Variants in DIXDC1 observed in about 807,000 individuals in gnomAD.
The protein encoded by DIXDC1 is dixin.
DIXDC1 carries 64 observed loss-of-function variants against 103.1 expected under a neutral mutation model. That is an observed-to-expected ratio of 0.62 (90% CI 0.51 to 0.76). The LOEUF (loss-of-function observed/expected upper bound fraction) is 0.76, where lower values mean the gene tolerates loss of function less well. Ranked by LOEUF, DIXDC1 falls within the 30% of genes least tolerant of loss-of-function variation. DIXDC1 has a pLI of 0.00. For missense variants in DIXDC1, 759 were observed against 834.2 expected (o/e 0.91, Z 1.11); for synonymous variants, 266 against 298.5 (o/e 0.89, Z 1.12).
upstream of DIXDC1, among the ~76,000 whole-genome samples, chr11:111,932,629 A>G (rs587644837): frequency 8.6e-5 from 13 of 151,950 alleles, no homozygotes; most frequent in Middle Eastern, 3.4e-3. Flanking sequence ...ATATTTTCAC[A>G]TATCTGCTTT....
chr11:111,937,671 G>A (rs1007878600), intron 1 of DIXDC1, 112 bp downstream of exon 1: 33 of 1,139,802 alleles, frequency 2.9e-5, no homozygotes, highest in Admixed American at 4.4e-5. Context: ...AGAGCAAATC[G>A]CCCCCAGAAC....
chr11:111,982,451 A>T lies in DIXDC1; in HGVS notation c.882A>T (p.Glu294Asp). 1 of 1,613,710 alleles carries T rather than the reference A, an allele frequency of 6.2e-7. No individual in the cohort carries two copies. Residue 294 changes from glutamate (E) to aspartate (D), a missense_variant, in exon 7 of 20, where the codon GAA becomes GAT. Glu to Asp is a conservative substitution (Grantham distance 45). This residue lies in a region of DIXDC1 where 657 missense variants were observed against 727.5 expected (regional missense o/e 0.90). Transcript: ENST00000440460. ...AACAACAAGAATATTTAGAAAAAGA[A>T]ATGGAGGAAGCAAAGAAAATGATAT... ...LLEQQEYLEK[E>D]MEEAKKMISG... is the part of the protein sequence containing the mutation.
At chr11:111,930,848 CCTTTTTTT>C (rs1566441177) in intron 2 of DIXDC1, among the ~76,000 whole-genome samples, 17 of 139,020 alleles carry the variant, frequency 1.2e-4, no homozygotes, top group African/African-American at 5.0e-4. Flanking sequence ...TTCTTTCTTT[CCTTTTTTT>C]TTTTTTTTTT....
At chr11:111,933,166 T>C (rs1966084593), upstream of DIXDC1, among the ~76,000 whole-genome samples, 1 of 152,232 alleles carries the variant, frequency 6.6e-6, no homozygotes, top group Non-Finnish European at 1.5e-5. Flanking sequence ...TACGCTCTTG[T>C]TGCCCAGGCT....
intron 1 of DIXDC1, among the ~76,000 whole-genome samples, chr11:111,961,358 T>C (rs1555171065): frequency 1.3e-5 from 2 of 152,214 alleles, no homozygotes; most frequent in African/African-American, 4.8e-5. Context: ...TTGGGAGTCA[T>C]ATCTGGATTC....
chr11:112,014,578 C>T (rs902028195), intron 17 of DIXDC1, among the ~76,000 whole-genome samples: 40 of 152,294 alleles, frequency 2.6e-4, no homozygotes, highest in African/African-American at 9.6e-4. Context: ...ACCTCGCCAT[C>T]TTCAGTCTTC....
chr11:112,018,870 G>A lies in DIXDC1; in HGVS notation c.1972-86G>A, dbSNP rs2137652858. On this transcript the variant is annotated intron_variant, in intron 19 of 19. Coordinates refer to ENST00000440460, the MANE Select transcript of DIXDC1 (RefSeq NM_001037954.4). ...TTAACTCAAGGCTTTCTTCTACATG[G>A]TTGAGGTCTTATTTTTATTAGCAGC... is the stretch of plus-strand genomic sequence containing the variant. 3 of 1,170,862 alleles carry A rather than the reference G, an allele frequency of 2.6e-6. No individual in the cohort carries two copies. The East Asian group carries it at 7.1e-5, about 28-fold the overall frequency. The allele number at this position is 1,170,862 out of a possible 1,614,324, so 72.5% of individuals were successfully genotyped here. A position where few individuals can be genotyped will look rare whatever the true frequency, so the allele number is the denominator to read the frequency against.
chr11:111,974,442 A>ATTT, intron 4 of DIXDC1, 188 bp downstream of exon 4: 1 of 623,916 alleles, frequency 1.6e-6, no homozygotes, highest in South Asian at 2.3e-5. Flanking sequence ...GTTTATTTTT[A>ATTT]TTTTGCATTT....
intron 17 of DIXDC1, among the ~76,000 whole-genome samples, chr11:111,996,600 C>T (rs1211229390): frequency 1.3e-4 from 20 of 152,134 alleles, no homozygotes; most frequent in African/African-American, 4.8e-4. Context: ...CCTGTAATCC[C>T]AGCACTTTGG....
At position 111,994,604 on chromosome 11, in the gene DIXDC1, GTA is replaced by G. The variant is rs201178071; in HGVS notation, c.1438-413_1438-412del. Among the ~76,000 whole-genome samples, 1,362 of 151,068 alleles carry G rather than the reference GTA, an allele frequency of 9.0e-3. 11 individuals carry two copies. Among genetic ancestry groups the G allele is most frequent in the African/African-American group, 0.03 (1,248 of 41,238 alleles). On this transcript the variant is annotated intron_variant, in intron 14 of 19. Transcript: ENST00000440460. ...GTGTATATTATGTATGTATATGTATGTATGTATATGTATGTGTATATATATGT... is the reference window on the plus strand; with the variant it reads ...GTGTATATTATGTATGTATATGTATGTGTATATGTATGTGTATATATATGT...
chr11:112,006,736 T>G (rs1555176651), intron 17 of DIXDC1, among the ~76,000 whole-genome samples: 1 of 152,092 alleles, frequency 6.6e-6, no homozygotes, highest in Non-Finnish European at 1.5e-5. Context: ...GAAGGAAAAC[T>G]AACGAACAGA....
rs587624809 is a variant in DIXDC1, at chr11:111,975,932, G to A, written c.656+949G>A. 100 of 939,264 alleles carry A rather than the reference G, an allele frequency of 1.1e-4. No individual in the cohort carries two copies. In the Admixed American group the frequency reaches 1.9e-3, roughly 17 times the overall value. 58.2% of individuals were successfully genotyped at this position (939,264 alleles called of 1,614,324 possible). A position where few individuals can be genotyped will look rare whatever the true frequency, so the allele number is the denominator to read the frequency against. On this transcript the variant is annotated intron_variant, in intron 5 of 19. Transcript: ENST00000440460. ...TTTACCTTTTTTACATTTAATAGCTGTGCTCTTTCTTACTTATAAAATTCA... is the reference window on the plus strand; with the variant it reads ...TTTACCTTTTTTACATTTAATAGCTATGCTCTTTCTTACTTATAAAATTCA...
intron 1 of DIXDC1, among the ~76,000 whole-genome samples, chr11:111,954,957 C>CAT (rs1389934413): frequency 6.6e-6 from 1 of 151,980 alleles, no homozygotes; most frequent in African/African-American, 2.4e-5. Flanking sequence ...TCCATACATT[C>CAT]ATATATATGT....
chr11:111,964,911 T>C (rs1263997101), intron 2 of DIXDC1, among the ~76,000 whole-genome samples: 1 of 152,206 alleles, frequency 6.6e-6, no homozygotes, highest in Non-Finnish European at 1.5e-5. Flanking sequence ...TAGTCCATGC[T>C]CTCAAGAGTC....
chr11:111,941,842 A>ACACACACC (rs1175883460), intron 1 of DIXDC1, among the ~76,000 whole-genome samples: 1 of 149,922 alleles, frequency 6.7e-6, no homozygotes, highest in African/African-American at 2.5e-5. Context: ...CAAAATACAC[A>ACACACACC]CACACACACA....
upstream of DIXDC1, among the ~76,000 whole-genome samples, chr11:111,933,198 G>C (rs1331102944): frequency 2.0e-5 from 3 of 151,684 alleles, no homozygotes; most frequent in South Asian, 6.3e-4. Context: ...GTGTGATCTC[G>C]GCTCACCTCA....
chr11:112,016,600 C>A, intron 17 of DIXDC1, 91 bp from the exon 18 acceptor site: 1 of 1,078,266 alleles, frequency 9.3e-7, no homozygotes, highest in Non-Finnish European at 1.3e-6. Flanking sequence ...TGACCTCAGG[C>A]AGCTTTGTTC....
Position 111,995,116 on chromosome 11 carries a change from C to T in DIXDC1, c.1527+8C>T, listed in dbSNP as rs1055891356. 7 of 1,612,570 alleles carry T rather than the reference C, an allele frequency of 4.3e-6. No homozygotes were observed. The highest frequency in any genetic ancestry group is 1.1e-5 in the South Asian group (1 of 90,996). The stretch of plus-strand genomic sequence containing the variant: ...TCAGTCAGCAACAGAGGGGTACGTA[C>T]CTGGAGTTTTGATGGAGTCCTGCCA... On this transcript the variant is annotated splice_region_variant and intron_variant, in intron 15 of 19. Transcript: ENST00000440460.
At position 111,993,550 on chromosome 11, in the gene DIXDC1, G is replaced by T; in HGVS notation, c.1327G>T (p.Glu443Ter). Residue 443 changes from glutamate to a stop codon, truncating the protein, a stop_gained, in exon 13 of 20, where the codon GAA (glutamate) becomes TAA (stop). Coordinates refer to ENST00000440460, the MANE Select transcript of DIXDC1 (RefSeq NM_001037954.4). LOFTEE classifies it high-confidence loss of function. ...TCAGCAGCACCAGGCCAAGTTAGAA[G>T]AAGCACTCCGGAAACTCTCTGATGT... ...LLQQHQAKLEEALRKLSDVSY... is the reference protein window; with the variant it reads ...LLQQHQAKLE 6.2e-7 allele frequency: 1 copy of T among 1,614,024 alleles called. No homozygotes were observed. The highest frequency in any genetic ancestry group is 8.5e-7 in the Non-Finnish European group (1 of 1,179,898).
Sources: gnomAD v4.1 joint callset for allele counts (sites outside exome capture counted in the v4.1 genomes callset) on GRCh38, gnomAD v4.1.1 for gene constraint, gnomAD v4.1.1 regional missense constraint, MANE v1.5 for transcripts, NCBI Gene and HGNC (gene_info 2026-07-23, HGNC 2026-07-21) for gene names.